Variants in BTNL9 observed in about 807,000 individuals in gnomAD.
BTNL9 encodes the protein butyrophilin-like protein 9.
Under a neutral mutation model 45.8 loss-of-function variants are expected in BTNL9, and 45 were observed. That is an observed-to-expected ratio of 0.98 (90% CI 0.77 to 1.26). BTNL9 has a LOEUF of 1.26. Ranked by LOEUF, BTNL9 falls within the 50% of genes most tolerant of loss-of-function variation. BTNL9 has a pLI of 0.00. For synonymous variants in BTNL9, 346 were observed against 330.8 expected, an observed-to-expected ratio of 1.05 and a Z score of -0.50; for missense variants, 784 against 729.7, an observed-to-expected ratio of 1.07 and a Z score of -0.86.
At chr5:181,047,847 C>A in intron 2 of BTNL9, 80 bp from the exon 3 acceptor site, 2 of 1,200,268 alleles carry the variant, frequency 1.7e-6, no homozygotes, top group Non-Finnish European at 2.3e-6. Flanking sequence ...ACTGTAGATT[C>A]CTCAGCTATA....
At chr5:181,058,592 ATCGCTCCT>A (rs560668788) in intron 10 of BTNL9, among the ~76,000 whole-genome samples, 37 of 152,194 alleles carry the variant, frequency 2.4e-4, no homozygotes, top group African/African-American at 8.9e-4. Flanking sequence ...TCCCAAACAC[ATCGCTCCT>A]TGGGGTTACA....
rs749320945 is a variant in BTNL9 at position 181,047,878 on chromosome 5, T to A, written c.110-49T>A. 75 of 1,524,594 alleles carry A rather than the reference T, an allele frequency of 4.9e-5. No individual in the cohort carries two copies. The Admixed American group carries it at 6.1e-4, about 12-fold the overall frequency. The allele number at this position is 1,524,594 out of a possible 1,614,324, so 94.4% of individuals were successfully genotyped here. A position where few individuals can be genotyped will look rare whatever the true frequency, so the allele number is the denominator to read the frequency against. ...CTATAAAGGGGTGTGATAACTTTTT[T>A]AAAAATTGGATGAGGGTTGCTTTTG... is the stretch of plus-strand genomic sequence containing the variant. On this transcript the variant is annotated intron_variant, in intron 2 of 10. Transcript: ENST00000327705.
rs1295100354 is a variant in BTNL9 at position 181,059,774 on chromosome 5, T to C, written c.1520T>C (p.Val507Ala). The C allele has an allele frequency of 1.2e-6, 2 of 1,610,570 alleles. No individual in the cohort carries two copies. Among genetic ancestry groups the C allele is most frequent in the African/African-American group, 2.7e-5 (2 of 74,998 alleles). Residue 507 changes from valine to alanine, a missense_variant, in exon 11 of 11, where the codon GTT (valine) becomes GCT (alanine). Val to Ala is a moderately conservative substitution (Grantham distance 64). Transcript: ENST00000327705. ...CCCCTGACCATCTGCCCGCTGCCGG[T>C]TAGAGGGACGGGCGTCCCCGAAGAG... ...PDPLTICPLP[V>A]RGTGVPEEND...
chr5:181,053,281 C>A lies in BTNL9; in HGVS notation c.818C>A (p.Ala273Glu). The change falls in exon 5 of 11, where the codon GCG becomes GAG. Residue 273 changes from alanine (A) to glutamate (E), a missense_variant. Coordinates refer to ENST00000327705, the MANE Select transcript of BTNL9 (RefSeq NM_152547.5). This position sits in a 1 kb window ranked among gnomAD's most constrained non-coding sequence, Gnocchi z 6.5. ...CTGCTGTTGGTCCTCGCGGCGCTGG[C>A]GCTGGGCGTCCTCCGGAAGCAGCGG... ...LPLLLVLAAL[A>E]LGVLRKQRRS... 1 of 1,582,826 alleles carries A rather than the reference C, an allele frequency of 6.3e-7. No individual in the cohort carries two copies. The highest frequency in any genetic ancestry group is 8.6e-7 in the Non-Finnish European group (1 of 1,166,276).
chr5:181,052,078 A>C (rs555073747), intron 4 of BTNL9, among the ~76,000 whole-genome samples: 2 of 151,890 alleles, frequency 1.3e-5, no homozygotes, highest in South Asian at 2.1e-4. Flanking sequence ...CTTGCCCTTG[A>C]CCCCAGGCCA....
At position 181,053,033 on chromosome 5, in the gene BTNL9, C is replaced by T. The variant is rs1761654096; in HGVS notation, c.737-167C>T. On this transcript the variant is annotated intron_variant, in intron 4 of 10. Transcript: ENST00000327705. This position sits in a 1 kb window ranked among gnomAD's most constrained non-coding sequence, Gnocchi z 6.5. Reference sequence around the variant, plus strand: ...CCCCCTCCGCCGCGCGCGCCCCCGCCCCCTCCGCCGCGCGCGCTCCCGCTC... The same window carrying T: ...CCCCCTCCGCCGCGCGCGCCCCCGCTCCCTCCGCCGCGCGCGCTCCCGCTC... 3.6e-6 allele frequency: 1 copy of T among 274,936 alleles called. No individual in the cohort carries two copies. Among genetic ancestry groups the T allele is most frequent in the African/African-American group, 2.5e-5 (1 of 40,784 alleles). The allele number at this position is 274,936 out of a possible 1,614,324, so 17.0% of individuals were successfully genotyped here.
chr5:181,053,182 C>A lies in BTNL9; in HGVS notation c.737-18C>A. 1 of 1,567,902 alleles carries A rather than the reference C, an allele frequency of 6.4e-7. No homozygotes were observed. Among genetic ancestry groups the A allele is most frequent in the Non-Finnish European group, 8.6e-7 (1 of 1,157,762 alleles). ...CAGCGGCGCCTGGACCGACACGGCC[C>A]CCGCGGGTGTTTTCCAGACGTGTTC... On this transcript the variant is annotated intron_variant, in intron 4 of 10. Coordinates refer to ENST00000327705, the MANE Select transcript of BTNL9 (RefSeq NM_152547.5). This position sits in a 1 kb window ranked among gnomAD's most constrained non-coding sequence, Gnocchi z 6.5.
intron 3 of BTNL9, 43 bp downstream of exon 3, chr5:181,048,314 C>T (rs947652445): frequency 6.6e-7 from 1 of 1,519,636 alleles, no homozygotes; most frequent in East Asian, 2.3e-5. Context: ...GAGGGAGATC[C>T]AGGTGCTTTG....
At chr5:181,040,558 C>T (rs1296426351) in intron 1 of BTNL9, 126 bp downstream of exon 1, 3 of 152,320 alleles carry the variant, frequency 2.0e-5, no homozygotes, top group East Asian at 3.9e-4. Flanking sequence ...CGAGCTTGGC[C>T]GCAGCATGGG....
At chr5:181,052,703 G>C (rs1017223093) in intron 4 of BTNL9, 1 of 152,216 alleles carries the variant, frequency 6.6e-6, no homozygotes. Context: ...GAGCCGGGAG[G>C]GACGTGGGAG....
intron 10 of BTNL9, 82 bp from the exon 11 acceptor site, chr5:181,059,154 AC>A (rs1762027853): frequency 7.1e-7 from 1 of 1,406,830 alleles, no homozygotes. Flanking sequence ...ACCAAGAGAA[AC>A]GAGAGGTTTG....
intron 4 of BTNL9, among the ~76,000 whole-genome samples, chr5:181,051,065 C>G (rs954288411): frequency 7.4e-6 from 1 of 134,724 alleles, no homozygotes; most frequent in Admixed American, 8.2e-5. Context: ...GGCAACAGAG[C>G]GAGAATCCGT....
rs375797710 is a variant in BTNL9, at chr5:181,051,002, G to A, written c.736+633G>A. On this transcript the variant is annotated intron_variant, in intron 4 of 10. Coordinates refer to ENST00000327705, the MANE Select transcript of BTNL9 (RefSeq NM_152547.5). Reference sequence around the variant, plus strand: ...CTCGGGAGGCTGAGGCAGGAGAATCGCTTGAACCGGGGGGCAGAGGTTGCA... The same window carrying A: ...CTCGGGAGGCTGAGGCAGGAGAATCACTTGAACCGGGGGGCAGAGGTTGCA... Among the ~76,000 whole-genome samples, 85 of 150,700 alleles carry A rather than the reference G, an allele frequency of 5.6e-4. 2 individuals are homozygous for A. In the East Asian group the frequency reaches 0.012, roughly 22 times the overall value.
intron 9 of BTNL9, among the ~76,000 whole-genome samples, chr5:181,057,775 C>T (rs1049763299): frequency 3.7e-4 from 56 of 152,182 alleles, no homozygotes; most frequent in African/African-American, 1.2e-3. Flanking sequence ...GTTATCCTGA[C>T]GCAAAACCGG....
chr5:181,053,711 G>A lies in BTNL9; in HGVS notation c.886+210G>A. The A allele has an allele frequency of 1.3e-6, 2 of 1,510,438 alleles. No homozygotes were observed. Among genetic ancestry groups the A allele is most frequent in the Middle Eastern group, 1.7e-4 (1 of 5,734 alleles). 93.6% of individuals were successfully genotyped at this position (1,510,438 alleles called of 1,614,324 possible). On this transcript the variant is annotated intron_variant, in intron 6 of 10. Transcript: ENST00000327705. The surrounding 1 kb of genome is among the most constrained non-coding windows in gnomAD (Gnocchi z 6.5). ...GTGCGGAACGGCTGCATTTTCCACG[G>A]AGGCTAGTGCACAGATGTCAGGGTT... is the stretch of plus-strand genomic sequence containing the variant.
Position 181,059,696 on chromosome 5 carries a change from C to T in BTNL9, c.1442C>T (p.Ala481Val), listed in dbSNP as rs369125172. The T allele has an allele frequency of 2.7e-5, 43 of 1,613,532 alleles. No homozygotes were observed. The highest frequency in any genetic ancestry group is 3.3e-5 in the Admixed American group (2 of 60,006). Residue 481 changes from alanine (A) to valine (V), a missense_variant, in exon 11 of 11, where the codon GCG becomes GTG. Ala to Val is a moderately conservative substitution (Grantham distance 64). Coordinates refer to ENST00000327705, the MANE Select transcript of BTNL9 (RefSeq NM_152547.5). ...IFTFHDTFSG[A>V]LCAYFRPRAH... is the part of the protein sequence containing the mutation. ...ACCTTCCACGACACCTTCTCGGGCG[C>T]GCTCTGTGCGTACTTCAGGCCCAGG... is the stretch of plus-strand genomic sequence containing the variant.
intron 2 of BTNL9, among the ~76,000 whole-genome samples, chr5:181,045,923 C>T (rs371771609): frequency 4.0e-5 from 2 of 50,022 alleles, no homozygotes; most frequent in African/African-American, 8.6e-5. Flanking sequence ...CAGCCCCCAA[C>T]ACCTCCTCCA....
In BTNL9 at chr5:181,060,946, A is replaced by AC. The variant is rs1762117223; in HGVS notation, c.*1084_*1085insC. On this transcript the variant is annotated 3_prime_UTR_variant, in exon 11 of 11. Coordinates refer to ENST00000327705, the MANE Select transcript of BTNL9 (RefSeq NM_152547.5). The stretch of plus-strand genomic sequence containing the variant: ...ACCTCAGCACACAACACCATGCCCA[A>AC]TTTTAAGTGCGTTATAGAGACGGGG... 4 of 119,968 alleles carry AC rather than the reference A, an allele frequency of 3.3e-5. No individual in the cohort carries two copies. The highest frequency in any genetic ancestry group is 7.1e-5 in the Non-Finnish European group (4 of 56,410). The allele number at this position is 119,968 out of a possible 1,614,324, so 7.4% of individuals were successfully genotyped here. A position where few individuals can be genotyped will look rare whatever the true frequency, so the allele number is the denominator to read the frequency against.
Position 181,042,420 on chromosome 5 carries a change from G to C in BTNL9, c.-24+1988G>C, listed in dbSNP as rs957568179. Among the ~76,000 whole-genome samples, 2 of 152,310 alleles carry C rather than the reference G, an allele frequency of 1.3e-5. No homozygotes were observed. Among genetic ancestry groups the C allele is most frequent in the Non-Finnish European group, 2.9e-5 (2 of 68,034 alleles). On this transcript the variant is annotated intron_variant, in intron 1 of 10. Coordinates refer to ENST00000327705, the MANE Select transcript of BTNL9 (RefSeq NM_152547.5). The surrounding 1 kb of genome is among the most constrained non-coding windows in gnomAD (Gnocchi z 4.5). Reference sequence around the variant, plus strand: ...ATCAATTTACACTGTAATCAAAATAGCAGAGGGTGGAAAGTGTTTCCTTCG... The same window carrying C: ...ATCAATTTACACTGTAATCAAAATACCAGAGGGTGGAAAGTGTTTCCTTCG...
Sources: allele counts gnomAD v4.1 joint callset (sites outside exome capture counted in the v4.1 genomes callset), GRCh38; gene constraint gnomAD v4.1.1; non-coding constraint Gnocchi (gnomAD v3.1); transcripts MANE v1.5; gene names NCBI Gene and HGNC (gene_info 2026-07-23, HGNC 2026-07-21).